The following STAT4 variants were observed in gnomAD, a reference collection of about 807,000 sequenced individuals.
STAT4 encodes the protein signal transducer and activator of transcription 4.
A neutral mutation model predicts 110.5 loss-of-function variants in STAT4; 42 were observed. The ratio of observed to expected loss-of-function variants is 0.38; its 90% CI spans 0.30 to 0.49. STAT4 has a LOEUF of 0.49. STAT4 is among the 20% of genes least tolerant of loss of function. STAT4 has a pLI of 0.95. For missense variants in STAT4, 632 were observed against 887.9 expected (o/e 0.71, Z 3.66); for synonymous variants, 284 against 302.2 (o/e 0.94, Z 0.63).
chr2:191,109,629 G>A (rs1423679139), intron 3 of STAT4, among the ~76,000 whole-genome samples: 2 of 152,182 alleles, frequency 1.3e-5, no homozygotes, highest in African/African-American at 4.8e-5. Flanking sequence ...CCCTCCAGAA[G>A]GCTTTCAGTA....
intron 1 of STAT4, among the ~76,000 whole-genome samples, chr2:191,149,861 G>T (rs1333834566): frequency 6.6e-6 from 1 of 152,162 alleles, no homozygotes; most frequent in African/African-American, 2.4e-5. Context: ...CCCCCGCTAT[G>T]ATTTGGATGA....
At position 191,110,666 on chromosome 2, in the gene STAT4, C is replaced by T. The variant is rs1559071551; in HGVS notation, c.274-34341G>A. On this transcript the variant is annotated intron_variant, in intron 3 of 23. Coordinates refer to ENST00000392320, the MANE Select transcript of STAT4 (RefSeq NM_003151.4). This position sits in a 1 kb window ranked among gnomAD's most constrained non-coding sequence, Gnocchi z 4.5. ...TGGGGAATTTATTGGCCACTTATAA[C>T]TATATTGCCAAGGAGAAAATGCATG... Among the ~76,000 whole-genome samples, 1 of 152,118 alleles carries T rather than the reference C, an allele frequency of 6.6e-6. No individual in the cohort carries two copies. Among genetic ancestry groups the T allele is most frequent in the Non-Finnish European group, 1.5e-5 (1 of 68,022 alleles).
intron 3 of STAT4, among the ~76,000 whole-genome samples, chr2:191,079,737 A>T (rs1375190972): frequency 6.6e-6 from 1 of 151,946 alleles, no homozygotes; most frequent in African/African-American, 2.4e-5. Context: ...ATACATAGGG[A>T]TTTTCTATTT....
In STAT4 at chr2:191,062,774, T is replaced by C. The variant is rs1296987566; in HGVS notation, c.929A>G (p.Asn310Ser). The change falls in exon 9 of 24, where the codon AAC (asparagine) becomes AGC (serine). Residue 310 changes from asparagine to serine, a missense_variant. Asn to Ser is a conservative substitution (Grantham distance 46, BLOSUM62 1). Transcript: ENST00000392320. This position sits in a 1 kb window ranked among gnomAD's most constrained non-coding sequence, Gnocchi z 4.9. ...GCACTTCACTTACTTCTTGAAAAGG[T>C]TGTAGATCAAGAAGGTGACTCTTTC... Reference protein sequence around the residue: ...MLERVTFLIYNLFKNSFVVER... With the variant: ...MLERVTFLIYSLFKNSFVVER... 7 of 1,613,574 alleles carry C rather than the reference T, an allele frequency of 4.3e-6. No homozygotes were observed. The Admixed American group carries it at 6.7e-5, about 15-fold the overall frequency.
intron 3 of STAT4, among the ~76,000 whole-genome samples, chr2:191,137,069 G>A (rs1248408219): frequency 2.6e-5 from 4 of 152,136 alleles, no homozygotes; most frequent in African/African-American, 4.8e-5. Context: ...GGCCAGGTGC[G>A]GTGTGGCTCA....
intron 3 of STAT4, among the ~76,000 whole-genome samples, chr2:191,118,946 T>C (rs536201165): frequency 6.6e-6 from 1 of 152,086 alleles, no homozygotes; most frequent in Non-Finnish European, 1.5e-5. Flanking sequence ...TTTTTGTTTT[T>C]GGAAATATGA....
chr2:191,099,672 T>C lies in STAT4; in HGVS notation c.274-23347A>G, dbSNP rs1698103099. Among the ~76,000 whole-genome samples, 1 of 152,218 alleles carries C rather than the reference T, an allele frequency of 6.6e-6. No individual in the cohort carries two copies. Among genetic ancestry groups the C allele is most frequent in the East Asian group, 1.9e-4 (1 of 5,194 alleles). ...ATATCCACAAATTATATCTTTTCCATTTTTTTCCATTTTTATTTAATTAGG... is the reference window on the plus strand; with the variant it reads ...ATATCCACAAATTATATCTTTTCCACTTTTTTCCATTTTTATTTAATTAGG... On this transcript the variant is annotated intron_variant, in intron 3 of 23. Transcript: ENST00000392320. This position sits in a 1 kb window ranked among gnomAD's most constrained non-coding sequence, Gnocchi z 4.1.
chr2:191,098,068 A>G (rs1322212422), intron 3 of STAT4, among the ~76,000 whole-genome samples: 3 of 152,240 alleles, frequency 2.0e-5, no homozygotes, highest in African/African-American at 7.2e-5. Context: ...ATGAGATACC[A>G]TCTCACACCA....
rs1699239761 is a variant in STAT4, at chr2:191,138,561, A to T, written c.273+8052T>A. On this transcript the variant is annotated intron_variant, in intron 3 of 23. Coordinates refer to ENST00000392320, the MANE Select transcript of STAT4 (RefSeq NM_003151.4). This position sits in a 1 kb window ranked among gnomAD's most constrained non-coding sequence, Gnocchi z 4.3. ...CCCTCCTAAATTAAATCAGGAAGAA[A>T]CAGAAACCCTGAACAGACCAATAGC... Among the ~76,000 whole-genome samples the T allele has an allele frequency of 6.6e-6, 1 of 152,172 alleles. No individual in the cohort carries two copies. Among genetic ancestry groups the T allele is most frequent in the South Asian group, 2.1e-4 (1 of 4,822 alleles).
chr2:191,033,475 TTAGTGAGTATA>T lies in STAT4; in HGVS notation c.1852+4_1852+14del. ...AAAACTAATTTCACATGAATAAACA[TTAGTGAGTATA>T]TACCACTTTCAGAATGGTCCACCCA... On this transcript the variant is annotated splice_donor_5th_base_variant and intron_variant, in intron 20 of 23. Coordinates refer to ENST00000392320, the MANE Select transcript of STAT4 (RefSeq NM_003151.4). The surrounding 1 kb of genome is among the most constrained non-coding windows in gnomAD (Gnocchi z 6.9). 1 of 1,590,800 alleles carries T rather than the reference TTAGTGAGTATA, an allele frequency of 6.3e-7. No homozygotes were observed. Among genetic ancestry groups the T allele is most frequent in the South Asian group, 1.2e-5 (1 of 86,594 alleles).
In STAT4 at chr2:191,116,796, T is replaced by C. The variant is rs370262293; in HGVS notation, c.273+29817A>G. On this transcript the variant is annotated intron_variant, in intron 3 of 23. Transcript: ENST00000392320. This position sits in a 1 kb window ranked among gnomAD's most constrained non-coding sequence, Gnocchi z 4.1. ...TTCCTGGCAGAGAAACTCCCCAACA[T>C]AACTTGTTGAATGAATAAATGACTG... is the stretch of plus-strand genomic sequence containing the variant. 2.3e-3 allele frequency among the ~76,000 whole-genome samples: 1 copy of C among 426 alleles called. No homozygotes were observed. Among genetic ancestry groups the C allele is most frequent in the African/African-American group, 5.9e-3 (1 of 170 alleles). The allele number at this position is 426 out of a possible 152,430, so 0.3% of individuals were successfully genotyped here.
intron 3 of STAT4, among the ~76,000 whole-genome samples, chr2:191,081,243 G>C (rs564413640): frequency 1.3e-5 from 2 of 152,262 alleles, no homozygotes; most frequent in South Asian, 2.1e-4. Context: ...GTCTATCATT[G>C]ATGAGCATCT....
At chr2:191,057,743 C>T (rs1387228614) in intron 13 of STAT4, among the ~76,000 whole-genome samples, 3 of 151,618 alleles carry the variant, frequency 2.0e-5, no homozygotes, top group Admixed American at 6.6e-5. Flanking sequence ...GGATTACAGG[C>T]GCCTGCCACC....
Position 191,030,175 on chromosome 2 carries a change from G to A in STAT4, c.2221-309C>T, listed in dbSNP as rs958566230. Among the ~76,000 whole-genome samples the A allele has an allele frequency of 6.6e-6, 1 of 152,096 alleles. No individual in the cohort carries two copies. The highest frequency in any genetic ancestry group is 1.5e-5 in the Non-Finnish European group (1 of 68,008). On this transcript the variant is annotated intron_variant, in intron 23 of 23. Coordinates refer to ENST00000392320, the MANE Select transcript of STAT4 (RefSeq NM_003151.4). This position sits in a 1 kb window ranked among gnomAD's most constrained non-coding sequence, Gnocchi z 4.4. ...AGACATAAATAACTTGACGATTTAA[G>A]GGAACTAACATTAGAATAAGCTATC...
In STAT4 at chr2:191,046,610, T is replaced by C. The variant is rs1421225223; in HGVS notation, c.1252-5462A>G. ...TTAACCCCACAGAAGACTTTCTTTGTAGGGAGGACTGCAGCTGGAGGATGG... is the reference window on the plus strand; with the variant it reads ...TTAACCCCACAGAAGACTTTCTTTGCAGGGAGGACTGCAGCTGGAGGATGG... On this transcript the variant is annotated intron_variant, in intron 14 of 23. Coordinates refer to ENST00000392320, the MANE Select transcript of STAT4 (RefSeq NM_003151.4). The surrounding 1 kb of genome is among the most constrained non-coding windows in gnomAD (Gnocchi z 4.6). Among the ~76,000 whole-genome samples the C allele has an allele frequency of 2.0e-5, 3 of 152,112 alleles. No homozygotes were observed. The highest frequency in any genetic ancestry group is 6.5e-5 in the Admixed American group (1 of 15,274).
chr2:191,036,131 A>G, intron 17 of STAT4, 33 bp downstream of exon 17: 1 of 1,601,358 alleles, frequency 6.2e-7, no homozygotes, highest in Non-Finnish European at 8.5e-7. Flanking sequence ...GGCCAAAAAC[A>G]GAGGCAAATC....
chr2:191,032,783 T>C lies in STAT4; in HGVS notation c.2044+175A>G. 1.5e-6 allele frequency: 1 copy of C among 649,458 alleles called. No individual in the cohort carries two copies. Among genetic ancestry groups the C allele is most frequent in the East Asian group, 2.9e-5 (1 of 34,310 alleles). The allele number at this position is 649,458 out of a possible 1,614,324, so 40.2% of individuals were successfully genotyped here. On this transcript the variant is annotated intron_variant, in intron 21 of 23. Transcript: ENST00000392320. This position sits in a 1 kb window ranked among gnomAD's most constrained non-coding sequence, Gnocchi z 4.9. Reference sequence around the variant, plus strand: ...AGTGTTAGAAAGCCCAGCGGTCCCTTTTCAGGAACTGCTGACATACCACTT... The same window carrying C: ...AGTGTTAGAAAGCCCAGCGGTCCCTCTTCAGGAACTGCTGACATACCACTT...
Position 191,117,712 on chromosome 2 carries a change from A to G in STAT4, c.273+28901T>C, listed in dbSNP as rs1698607887. Among the ~76,000 whole-genome samples, 1 of 152,114 alleles carries G rather than the reference A, an allele frequency of 6.6e-6. No homozygotes were observed. The highest frequency in any genetic ancestry group is 1.5e-5 in the Non-Finnish European group (1 of 68,030). On this transcript the variant is annotated intron_variant, in intron 3 of 23. Transcript: ENST00000392320. This position sits in a 1 kb window ranked among gnomAD's most constrained non-coding sequence, Gnocchi z 5.2. ...GAGTAGAGTCCATTCTAAGAATACA[A>G]AATACCCACATCCTAAATCCACCAT...
intron 3 of STAT4, among the ~76,000 whole-genome samples, chr2:191,111,737 C>T (rs765426922): frequency 6.6e-6 from 1 of 152,086 alleles, no homozygotes; most frequent in Non-Finnish European, 1.5e-5. Flanking sequence ...TGGTGCTCGC[C>T]TGTAGTGCCA....
Sources: gnomAD v4.1 joint callset for allele counts (sites outside exome capture counted in the v4.1 genomes callset) on GRCh38, gnomAD v4.1.1 for gene constraint, Gnocchi (gnomAD v3.1) non-coding constraint, MANE v1.5 for transcripts, NCBI Gene and HGNC (gene_info 2026-07-23, HGNC 2026-07-21) for gene names.